Variants in TMEFF2 observed in about 807,000 individuals in gnomAD.
TMEFF2 encodes tomoregulin-2.
In TMEFF2, 28 loss-of-function variants were observed where a neutral mutation model predicts 53.8. That is an observed-to-expected ratio of 0.52 (90% CI 0.39 to 0.71). TMEFF2 has a LOEUF of 0.71. Ranked by LOEUF, TMEFF2 falls within the 30% of genes least tolerant of loss-of-function variation. The probability of loss-of-function intolerance (pLI) is 0.00; values close to 1 mark genes in which losing one functional copy is unlikely to be tolerated. For missense variants in TMEFF2, 353 were observed against 455.2 expected (o/e 0.78, Z 2.04); for synonymous variants, 162 against 166.3 (o/e 0.97, Z 0.20).
rs576800167 is a variant in TMEFF2 at position 192,087,897 on chromosome 2, T to C, written c.440-30122A>G. Among the ~76,000 whole-genome samples, 102 of 152,294 alleles carry C rather than the reference T, an allele frequency of 6.7e-4. 1 individual carries two copies. The highest frequency in any genetic ancestry group is 6.8e-3 in the Middle Eastern group (2 of 294). ...TATAAAAGGTGAAATAATGTGTTTA[T>C]TAAACCAAAAGTAAATTTACTTATA... On this transcript the variant is annotated intron_variant, in intron 4 of 9. Coordinates refer to ENST00000272771, the MANE Select transcript of TMEFF2 (RefSeq NM_016192.4).
rs190359655 is a variant in TMEFF2 at position 192,117,410 on chromosome 2, T to C, written c.440-59635A>G. 1.6e-3 allele frequency among the ~76,000 whole-genome samples: 237 copies of C among 152,260 alleles called. 1 individual carries two copies. Among genetic ancestry groups the C allele is most frequent in the Admixed American group, 2.7e-3 (42 of 15,284 alleles). On this transcript the variant is annotated intron_variant, in intron 4 of 9. Transcript: ENST00000272771. ...TTAACTACTAGGTAGAAGTAAAAGATTCCTCAAGTGAGTAAGATGGTAATT... is the reference window on the plus strand; with the variant it reads ...TTAACTACTAGGTAGAAGTAAAAGACTCCTCAAGTGAGTAAGATGGTAATT...
Position 192,115,393 on chromosome 2 carries a change from A to G in TMEFF2, c.440-57618T>C, listed in dbSNP as rs561613548. On this transcript the variant is annotated intron_variant, in intron 4 of 9. Coordinates refer to ENST00000272771, the MANE Select transcript of TMEFF2 (RefSeq NM_016192.4). ...AAATTCCTACAAGAAAACATCAGGG[A>G]ACAGCTGTATGACATCAATCTTGGC... Among the ~76,000 whole-genome samples, 3 of 152,084 alleles carry G rather than the reference A, an allele frequency of 2.0e-5. No individual in the cohort carries two copies. The South Asian group carries it at 6.2e-4, about 32-fold the overall frequency.
chr2:192,055,443 C>A (rs1687878990), intron 5 of TMEFF2, among the ~76,000 whole-genome samples: 1 of 152,120 alleles, frequency 6.6e-6, no homozygotes, highest in Non-Finnish European at 1.5e-5. Context: ...ACCACAAATT[C>A]ATCAGCCATT....
At chr2:192,088,335 T>G (rs1010523962) in intron 4 of TMEFF2, among the ~76,000 whole-genome samples, 1 of 152,130 alleles carries the variant, frequency 6.6e-6, no homozygotes, top group Non-Finnish European at 1.5e-5. Flanking sequence ...ACTATTTACA[T>G]GGACTATTAA....
At chr2:192,084,521 TACTG>T (rs1365445704) in intron 4 of TMEFF2, among the ~76,000 whole-genome samples, 1 of 152,212 alleles carries the variant, frequency 6.6e-6, no homozygotes, top group Non-Finnish European at 1.5e-5. Context: ...GAAGGACTCT[TACTG>T]AAGAGAAGAA....
chr2:191,954,508 C>T (rs1692002671), intron 8 of TMEFF2, among the ~76,000 whole-genome samples: 1 of 152,028 alleles, frequency 6.6e-6, no homozygotes, highest in Non-Finnish European at 1.5e-5. Context: ...CTTTAATCAA[C>T]CTAAGTCAAC....
chr2:191,963,757 C>A (rs13391396), intron 7 of TMEFF2, among the ~76,000 whole-genome samples: 2 of 152,100 alleles, frequency 1.3e-5, no homozygotes, highest in African/African-American at 2.4e-5. Flanking sequence ...GGTTGTCGCT[C>A]AGTGATTTTG....
At chr2:192,005,387 C>T (rs1317419934) in intron 5 of TMEFF2, among the ~76,000 whole-genome samples, 1 of 152,176 alleles carries the variant, frequency 6.6e-6, no homozygotes, top group Non-Finnish European at 1.5e-5. Context: ...AGTGCCTTGT[C>T]ATCTGCCAGA....
At chr2:192,081,160 G>A (rs763498409) in intron 4 of TMEFF2, among the ~76,000 whole-genome samples, 1 of 152,116 alleles carries the variant, frequency 6.6e-6, no homozygotes, top group Non-Finnish European at 1.5e-5. Flanking sequence ...AAAGTGATAC[G>A]CTTTGTTTTT....
chr2:192,124,994 T>C (rs1243897389), intron 4 of TMEFF2, among the ~76,000 whole-genome samples: 1 of 152,210 alleles, frequency 6.6e-6, no homozygotes, highest in Non-Finnish European at 1.5e-5. Flanking sequence ...CAGAGCCTTA[T>C]GTTCTCTGTA....
At chr2:191,956,482 G>A (rs1692101111) in intron 7 of TMEFF2, 104 bp from the exon 8 acceptor site, 3 of 1,251,830 alleles carry the variant, frequency 2.4e-6, no homozygotes, top group South Asian at 1.7e-5. Flanking sequence ...ATATTTAAAA[G>A]GGCAAGAACT....
intron 5 of TMEFF2, among the ~76,000 whole-genome samples, chr2:192,025,238 A>G (rs1354901531): frequency 6.6e-6 from 1 of 152,180 alleles, no homozygotes; most frequent in Non-Finnish European, 1.5e-5. Context: ...TTCAATTTCA[A>G]TTTAAAGCAT....
At chr2:192,116,347 G>A (rs1689405175) in intron 4 of TMEFF2, among the ~76,000 whole-genome samples, 1 of 151,944 alleles carries the variant, frequency 6.6e-6, no homozygotes. Context: ...ATGGGGAGAT[G>A]TTGGTCAAAG....
intron 8 of TMEFF2, among the ~76,000 whole-genome samples, 199 bp from the exon 9 acceptor site, chr2:191,954,036 C>T (rs987642159): frequency 4.0e-5 from 6 of 151,862 alleles, no homozygotes; most frequent in African/African-American, 1.5e-4. Context: ...TACAGGCGCC[C>T]GCCACTATGC....
chr2:192,143,060 A>G (rs1267814160), intron 4 of TMEFF2, among the ~76,000 whole-genome samples: 1 of 152,202 alleles, frequency 6.6e-6, no homozygotes, highest in Admixed American at 6.5e-5. Context: ...CAGATCTAGC[A>G]TGTATGGATT....
intron 4 of TMEFF2, among the ~76,000 whole-genome samples, chr2:192,086,280 A>G (rs1323084056): frequency 6.6e-6 from 1 of 152,176 alleles, no homozygotes; most frequent in East Asian, 1.9e-4. Context: ...GTCTATATAA[A>G]AGCACATTTC....
intron 4 of TMEFF2, among the ~76,000 whole-genome samples, chr2:192,171,831 A>G (rs1348649384): frequency 6.6e-6 from 1 of 151,992 alleles, no homozygotes; most frequent in East Asian, 1.9e-4. Flanking sequence ...ACCATATGAC[A>G]ATCTGTGTTT....
chr2:191,950,410 G>A lies in TMEFF2; in HGVS notation c.1029-3C>T. 6.2e-7 allele frequency: 1 copy of A among 1,613,756 alleles called. No individual in the cohort carries two copies. The highest frequency in any genetic ancestry group is 8.5e-7 in the Non-Finnish European group (1 of 1,179,910). On this transcript the variant is annotated splice_region_variant and splice_polypyrimidine_tract_variant and intron_variant, in intron 9 of 9. Coordinates refer to ENST00000272771, the MANE Select transcript of TMEFF2 (RefSeq NM_016192.4). ...TTCTGTTGCTTCTGGGGCATTTCCT[G>A]GAAGGTTGGAAAGTTTACAAATCTC...
At chr2:192,100,799 A>G (rs938050539) in intron 4 of TMEFF2, among the ~76,000 whole-genome samples, 4 of 152,196 alleles carry the variant, frequency 2.6e-5, no homozygotes, top group South Asian at 2.1e-4. Flanking sequence ...GAAAACCATA[A>G]AATGCAGATT....
Sources: allele counts gnomAD v4.1 joint callset (sites outside exome capture counted in the v4.1 genomes callset), GRCh38; gene constraint gnomAD v4.1.1; transcripts MANE v1.5; gene names NCBI Gene and HGNC (gene_info 2026-07-23, HGNC 2026-07-21).